Variants in DRC8 observed in about 807,000 individuals in gnomAD.
DRC8 encodes the protein dynein regulatory complex subunit 8, also known as dynein regulatory complex protein 8.
At chr1:245,020,346 A>G in the DRC8 span, among the ~76,000 whole-genome samples, 1 of 151,834 alleles carries the variant, frequency 6.6e-6, no homozygotes, top group Non-Finnish European at 1.5e-5. Context: ...CTGCCCTTCC[A>G]CCTCTGAGGG....
chr1:244,986,162 T>C, the DRC8 span, among the ~76,000 whole-genome samples: 4 of 151,544 alleles, frequency 2.6e-5, no homozygotes, highest in African/African-American at 9.7e-5. Context: ...TCCATGTTGG[T>C]CAGGCTGGTC....
At chr1:245,016,309 C>T in the DRC8 span, among the ~76,000 whole-genome samples, 1 of 152,292 alleles carries the variant, frequency 6.6e-6, no homozygotes, top group South Asian at 2.1e-4. Flanking sequence ...CCCTCAAACT[C>T]ATACCTTTCT....
At chr1:245,089,698 C>A in the DRC8 span, among the ~76,000 whole-genome samples, 8 of 152,098 alleles carry the variant, frequency 5.3e-5, no homozygotes, top group African/African-American at 1.4e-4. The surrounding 1 kb of genome is among the most constrained non-coding windows in gnomAD (Gnocchi z 4.8). Context: ...GAGAAGGTTG[C>A]AGCCTGGAGG....
At chr1:245,033,657 T>C in the DRC8 span, among the ~76,000 whole-genome samples, 1 of 152,172 alleles carries the variant, frequency 6.6e-6, no homozygotes, top group Non-Finnish European at 1.5e-5. Context: ...TGTTGTCTCT[T>C]ACTTTATTTT....
chr1:245,068,970 A>G, the DRC8 span, among the ~76,000 whole-genome samples: 2 of 152,180 alleles, frequency 1.3e-5, no homozygotes, highest in Non-Finnish European at 2.9e-5. Context: ...TCACTATTAC[A>G]TCAAAATGAT....
chr1:245,080,204 T>C, the DRC8 span, among the ~76,000 whole-genome samples: 2 of 152,214 alleles, frequency 1.3e-5, no homozygotes, highest in Non-Finnish European at 2.9e-5. Flanking sequence ...TTGGGATCTT[T>C]GAGCCTTTTA....
chr1:245,050,002 G>A, the DRC8 span, among the ~76,000 whole-genome samples: 1 of 152,192 alleles, frequency 6.6e-6, no homozygotes, highest in Admixed American at 6.5e-5. Flanking sequence ...CCAGAGTCTG[G>A]CACGCGTAAT....
At chr1:245,039,788 T>G in the DRC8 span, among the ~76,000 whole-genome samples, 3 of 152,182 alleles carry the variant, frequency 2.0e-5, no homozygotes, top group Non-Finnish European at 2.9e-5. Flanking sequence ...TGCCAGATAT[T>G]TTCCTGTGAT....
the DRC8 span, among the ~76,000 whole-genome samples, chr1:245,110,184 A>G: frequency 6.6e-6 from 1 of 152,100 alleles, no homozygotes; most frequent in African/African-American, 2.4e-5. Flanking sequence ...GGAGTTCGAG[A>G]CCAGCCTGGC....
At chr1:245,085,260 G>T in the DRC8 span, among the ~76,000 whole-genome samples, 1 of 152,278 alleles carries the variant, frequency 6.6e-6, no homozygotes, top group South Asian at 2.1e-4. Flanking sequence ...TGGAAAACTT[G>T]GTTTGGGAAG....
At chr1:245,104,436 G>A in the DRC8 span, among the ~76,000 whole-genome samples, 48 of 151,920 alleles carry the variant, frequency 3.2e-4, no homozygotes, top group African/African-American at 1.1e-3. Flanking sequence ...CCTGGGAGGC[G>A]GAGGTTCCAG....
chr1:245,118,723 C>T, the DRC8 span, among the ~76,000 whole-genome samples: 2 of 151,184 alleles, frequency 1.3e-5, no homozygotes, highest in African/African-American at 4.9e-5. Flanking sequence ...CCCCAGGAGG[C>T]GGAGGTTGTG....
the DRC8 span, among the ~76,000 whole-genome samples, chr1:245,064,018 C>T: frequency 6.6e-6 from 1 of 152,096 alleles, no homozygotes; most frequent in Admixed American, 6.5e-5. Context: ...CAACCACGCC[C>T]GGCCCAGATC....
chr1:244,987,206 T>C, the DRC8 span, among the ~76,000 whole-genome samples: 1 of 144,226 alleles, frequency 6.9e-6, no homozygotes, highest in Non-Finnish European at 1.5e-5. Context: ...TATTTCTTTC[T>C]TTTTTTTTTT....
At chr1:244,986,467 G>T in the DRC8 span, among the ~76,000 whole-genome samples, 1 of 152,198 alleles carries the variant, frequency 6.6e-6, no homozygotes, top group Non-Finnish European at 1.5e-5. Flanking sequence ...GTAGGCAGAG[G>T]CCAGGTCTTT....
the DRC8 span, among the ~76,000 whole-genome samples, chr1:244,988,846 A>G: frequency 3.3e-5 from 5 of 152,202 alleles, no homozygotes; most frequent in African/African-American, 4.8e-5. Context: ...CCTCAAAACA[A>G]CCTTGTCAGC....
At chr1:245,093,369 T>A in the DRC8 span, among the ~76,000 whole-genome samples, 1 of 152,120 alleles carries the variant, frequency 6.6e-6, no homozygotes, top group Non-Finnish European at 1.5e-5. Context: ...GAGAAAACAC[T>A]CTTAATCATT....
the DRC8 span, among the ~76,000 whole-genome samples, chr1:245,018,743 CT>C: frequency 1.3e-5 from 2 of 152,162 alleles, no homozygotes; most frequent in Non-Finnish European, 2.9e-5. Flanking sequence ...CCAGCATCTG[CT>C]TGAGGCTTGT....
At chr1:245,065,750 T>A in the DRC8 span, among the ~76,000 whole-genome samples, 2 of 151,892 alleles carry the variant, frequency 1.3e-5, no homozygotes, top group African/African-American at 4.8e-5. Context: ...ATCACCCGCA[T>A]CGGAGTGTTG....
Sources: allele counts gnomAD v4.1 joint callset (sites outside exome capture counted in the v4.1 genomes callset), GRCh38; gene constraint gnomAD v4.1.1; non-coding constraint Gnocchi (gnomAD v3.1); transcripts MANE v1.5; gene names NCBI Gene and HGNC (gene_info 2026-07-23, HGNC 2026-07-21).